The following OGT variants were observed in gnomAD, a reference collection of about 807,000 sequenced individuals.
OGT encodes the protein O-linked N-acetylglucosamine (GlcNAc) transferase, also known as UDP-N-acetylglucosamine--peptide N-acetylglucosaminyltransferase 110 kDa subunit.
A neutral mutation model predicts 75.8 loss-of-function variants in OGT; 3 were observed. The observed-to-expected ratio is 0.04, with a 90% CI of 0.02 to 0.10. OGT has a LOEUF of 0.10. OGT is among the 10% of genes least tolerant of loss of function. The pLI, the probability that OGT is intolerant of heterozygous loss-of-function variation, is 1.00. For missense variants in OGT, 260 were observed against 824.4 expected, an observed-to-expected ratio of 0.32 and a Z score of 8.38; for synonymous variants, 257 against 289.7, an observed-to-expected ratio of 0.89 and a Z score of 1.15.
At position 71,557,678 on chromosome X, in the gene OGT, A is replaced by G; in HGVS notation, c.1602+6A>G. ...GCAACCTGTGCTTAGATAAGGTGTG[A>G]TTCTTTTGTTTTAATCTTTTTGTTG... On this transcript the variant is annotated splice_donor_region_variant and intron_variant, in intron 12 of 21. Coordinates refer to ENST00000373719, the MANE Select transcript of OGT (RefSeq NM_181672.3). The G allele has an allele frequency of 8.6e-7, 1 of 1,162,368 alleles. No individual in the cohort carries two copies. Among genetic ancestry groups the G allele is most frequent in the Non-Finnish European group, 1.1e-6 (1 of 869,823 alleles).
intron 5 of OGT, among the ~76,000 whole-genome samples, chrX:71,551,246 A>G (rs2040301813): frequency 8.9e-6 from 1 of 112,757 alleles, no homozygotes; most frequent in Admixed American, 9.4e-5. Flanking sequence ...ACCATAGAGT[A>G]ACCCAATAGT....
chrX:71,547,209 G>A (rs2040266229), intron 4 of OGT: 3 of 754,245 alleles, frequency 4.0e-6, no homozygotes, highest in Admixed American at 1.7e-4. Context: ...CTGGCTTTAT[G>A]ATATCCTACT....
At chrX:71,570,787 T>TA (rs1250652288) in intron 21 of OGT, among the ~76,000 whole-genome samples, 2 of 110,261 alleles carry the variant, frequency 1.8e-5, no homozygotes, top group Non-Finnish European at 3.8e-5. Flanking sequence ...ATAACTATAG[T>TA]AAAAAATGTA....
At chrX:71,534,236 C>T (rs769666634) in intron 1 of OGT, 2 of 111,545 alleles carry the variant, frequency 1.8e-5, no homozygotes, top group Non-Finnish European at 3.8e-5. Context: ...CATTCTTCAG[C>T]CCAGTATCTC....
chrX:71,547,867 C>T, intron 4 of OGT, 40 bp from the exon 5 acceptor site: 2 of 1,122,213 alleles, frequency 1.8e-6, no homozygotes, highest in Non-Finnish European at 2.4e-6. Context: ...TTCCCTTTAC[C>T]TCCTTTCCCT....
intron 9 of OGT, 64 bp from the exon 10 acceptor site, chrX:71,556,888 T>G: frequency 8.9e-7 from 1 of 1,125,833 alleles, no homozygotes; most frequent in Admixed American, 2.3e-5. Flanking sequence ...ACGGAATAAG[T>G]TAGCATTACA....
intron 3 of OGT, among the ~76,000 whole-genome samples, chrX:71,540,953 G>A (rs1472713429): frequency 2.7e-5 from 3 of 111,865 alleles, no homozygotes; most frequent in African/African-American, 9.8e-5. Flanking sequence ...GATTACAGGC[G>A]TGAACCACTG....
rs2040345689 is a variant in OGT, at chrX:71,556,686, C to T, written c.1072C>T (p.Pro358Ser). 8.5e-7 allele frequency: 1 copy of T among 1,177,542 alleles called. No homozygotes were observed. The highest frequency in any genetic ancestry group is 1.8e-5 in the African/African-American group (1 of 56,627). The change falls in exon 9 of 22, where the codon CCA becomes TCA. Residue 358 changes from proline (P) to serine (S), a missense_variant. Pro to Ser is a moderately conservative substitution (Grantham distance 74). Coordinates refer to ENST00000373719, the MANE Select transcript of OGT (RefSeq NM_181672.3). ...RLYRKALEVF[P>S]EFAAAHSNLA... The stretch of plus-strand genomic sequence containing the variant: ...TGATCTTGACTCTTTATAGGTCTTC[C>T]CAGAGTTTGCTGCTGCCCATTCAAA...
rs574785428 is a variant in OGT, at chrX:71,565,883, T to A, written c.2589+1130T>A. ...TTCGCCAACTCCTGGTCTAAACTGA[T>A]AGCATATGCTGTCATGTACATCCAC... On this transcript the variant is annotated intron_variant, in intron 19 of 21. Coordinates refer to ENST00000373719, the MANE Select transcript of OGT (RefSeq NM_181672.3). Among the ~76,000 whole-genome samples the A allele has an allele frequency of 1.9e-4, 21 of 112,660 alleles. No homozygotes were observed. In the East Asian group the frequency reaches 5.8e-3, roughly 31 times the overall value.
At chrX:71,554,643 C>T in intron 6 of OGT, 51 bp downstream of exon 6, 1 of 983,924 alleles carries the variant, frequency 1.0e-6, no homozygotes, top group Non-Finnish European at 1.4e-6. Context: ...GTTGTATTGA[C>T]ACTTGACAGT....
chrX:71,554,414 A>G, intron 5 of OGT, 99 bp from the exon 6 acceptor site: 1 of 507,977 alleles, frequency 2.0e-6, no homozygotes, highest in South Asian at 3.4e-5. Flanking sequence ...ATGTAATTGA[A>G]AGTCTGCAAG....
intron 5 of OGT, among the ~76,000 whole-genome samples, chrX:71,548,240 C>T (rs1407561384): frequency 9.0e-6 from 1 of 111,429 alleles, no homozygotes; most frequent in Non-Finnish European, 1.9e-5. Context: ...AATCATACTT[C>T]GAGTACCCAT....
In OGT at chrX:71,575,027, G is replaced by T. The variant is rs1010417983; in HGVS notation, c.*1233G>T. On this transcript the variant is annotated 3_prime_UTR_variant, in exon 22 of 22. Coordinates refer to ENST00000373719, the MANE Select transcript of OGT (RefSeq NM_181672.3). ...CTCAGTAGTAGCGAACTGCACTGCT[G>T]TTTGGTTTGGAGTACAAATTAGACT... The T allele has an allele frequency of 9.0e-6, 1 of 111,575 alleles. No individual in the cohort carries two copies. Among genetic ancestry groups the T allele is most frequent in the Non-Finnish European group, 1.9e-5 (1 of 53,138 alleles). The allele number at this position is 111,575 out of a possible 1,213,427, so 9.2% of individuals were successfully genotyped here.
chrX:71,555,623 G>A (rs1057033348), intron 7 of OGT, among the ~76,000 whole-genome samples: 5 of 112,054 alleles, frequency 4.5e-5, no homozygotes, highest in African/African-American at 1.6e-4. Flanking sequence ...TTGGGAGGCC[G>A]AGGTGGGAGG....
chrX:71,547,602 C>A, intron 4 of OGT: 1 of 926,021 alleles, frequency 1.1e-6, no homozygotes, highest in Non-Finnish European at 1.3e-6. Flanking sequence ...AGCATAGAGC[C>A]TTATAGCAAC....
At chrX:71,564,029 A>G (rs1016530644) in intron 18 of OGT, among the ~76,000 whole-genome samples, 1 of 112,273 alleles carries the variant, frequency 8.9e-6, no homozygotes, top group African/African-American at 3.2e-5. Flanking sequence ...TCTTAATCAC[A>G]GTAATGTAGT....
chrX:71,536,907 C>T (rs1039356613), intron 2 of OGT: 3 of 175,884 alleles, frequency 1.7e-5, no homozygotes, highest in African/African-American at 3.3e-5. Flanking sequence ...AAATGAGACT[C>T]GTGCACATAG....
intron 21 of OGT, among the ~76,000 whole-genome samples, chrX:71,570,179 T>C (rs1435080442): frequency 9.4e-6 from 1 of 106,851 alleles, no homozygotes; most frequent in African/African-American, 3.4e-5. Flanking sequence ...TAGCTGGGAT[T>C]ACAGGCATCC....
chrX:71,549,773 T>C (rs1031303650), intron 5 of OGT, among the ~76,000 whole-genome samples: 5 of 111,801 alleles, frequency 4.5e-5, no homozygotes, highest in Non-Finnish European at 9.4e-5. Context: ...AAAATGTACT[T>C]TAGTAATTAA....
Sources: gnomAD v4.1 joint callset for allele counts (sites outside exome capture counted in the v4.1 genomes callset) on GRCh38, gnomAD v4.1.1 for gene constraint, MANE v1.5 for transcripts, NCBI Gene and HGNC (gene_info 2026-07-23, HGNC 2026-07-21) for gene names.